The following CACNA2D3 variants were observed in gnomAD, a reference collection of about 807,000 sequenced individuals.
CACNA2D3 encodes calcium voltage-gated channel auxiliary subunit alpha2delta 3, also known as voltage-dependent calcium channel subunit alpha-2/delta-3.
In CACNA2D3, 60 loss-of-function variants were observed where a neutral mutation model predicts 160.6. The observed-to-expected ratio is 0.37, with a 90% CI of 0.30 to 0.46. The LOEUF (loss-of-function observed/expected upper bound fraction) is 0.46. CACNA2D3 is among the 20% of genes least tolerant of loss of function. The probability of loss-of-function intolerance (pLI) is 1.00; values close to 1 mark genes in which losing one functional copy is unlikely to be tolerated. For missense variants in CACNA2D3, 1,205 were observed against 1,365.0 expected (o/e 0.88, Z 1.85); for synonymous variants, 558 against 492.9 (o/e 1.13, Z -1.75).
intron 9 of CACNA2D3, among the ~76,000 whole-genome samples, chr3:54,582,268 G>A (rs1441101706): frequency 6.6e-6 from 1 of 152,110 alleles, no homozygotes; most frequent in Non-Finnish European, 1.5e-5. Context: ...TAACTGTTGG[G>A]GTAACTTGTC....
chr3:54,290,231 A>T (rs985359235), intron 2 of CACNA2D3, among the ~76,000 whole-genome samples: 4 of 152,262 alleles, frequency 2.6e-5, no homozygotes, highest in African/African-American at 9.6e-5. Flanking sequence ...AAACAGCCCC[A>T]TCAGAAAGTG....
At chr3:54,871,350 A>G (rs908518558) in intron 17 of CACNA2D3, among the ~76,000 whole-genome samples, 189 bp from the exon 18 acceptor site, 4 of 152,142 alleles carry the variant, frequency 2.6e-5, no homozygotes, top group African/African-American at 7.2e-5. Flanking sequence ...GCCAATGTTT[A>G]GAGGCATCTG....
At chr3:54,698,093 A>C (rs1240962851) in intron 11 of CACNA2D3, among the ~76,000 whole-genome samples, 1 of 152,180 alleles carries the variant, frequency 6.6e-6, no homozygotes, top group Non-Finnish European at 1.5e-5. Context: ...ACTGCAAACA[A>C]TCCAAATAAT....
chr3:54,537,473 T>C (rs1701907382), intron 5 of CACNA2D3, among the ~76,000 whole-genome samples: 1 of 152,096 alleles, frequency 6.6e-6, no homozygotes, highest in Admixed American at 6.6e-5. Flanking sequence ...CAGTGAACAC[T>C]TACTATGGGT....
intron 3 of CACNA2D3, among the ~76,000 whole-genome samples, chr3:54,349,824 T>C (rs1266188100): frequency 6.6e-6 from 1 of 152,224 alleles, no homozygotes; most frequent in African/African-American, 2.4e-5. Flanking sequence ...TCCTCCTTCC[T>C]GTACCTGAGC....
chr3:54,736,116 T>TATACAC (rs1553814534), intron 11 of CACNA2D3, among the ~76,000 whole-genome samples: 1 of 32,196 alleles, frequency 3.1e-5, no homozygotes, highest in Non-Finnish European at 6.1e-5. Flanking sequence ...TATGTATATA[T>TATACAC]ATACATATAT....
At chr3:54,837,034 T>C (rs1698706811) in intron 14 of CACNA2D3, 125 bp from the exon 15 acceptor site, 1 of 778,688 alleles carries the variant, frequency 1.3e-6, no homozygotes. Context: ...CACTAAAGGC[T>C]TGAGTGGGCA....
In CACNA2D3 at chr3:54,386,694, GTTTT is replaced by G. The variant is rs62967361; in HGVS notation, c.322-6_322-3del. 512 of 1,403,730 alleles carry G rather than the reference GTTTT, an allele frequency of 3.6e-4. No individual in the cohort carries two copies. Among genetic ancestry groups the G allele is most frequent in the South Asian group, 8.5e-4 (59 of 69,184 alleles). 87.0% of individuals were successfully genotyped at this position (1,403,730 alleles called of 1,614,324 possible). On this transcript the variant is annotated splice_polypyrimidine_tract_variant and intron_variant, in intron 3 of 37. Coordinates refer to ENST00000474759, the MANE Select transcript of CACNA2D3 (RefSeq NM_018398.3). ...ATTCTGATCCTTAATGCTGTCTTCT[GTTTT>G]TTTTTTTTTTTTTTAGCGTCTGGTG... is the stretch of plus-strand genomic sequence containing the variant.
intron 13 of CACNA2D3, among the ~76,000 whole-genome samples, chr3:54,812,983 A>T (rs1575490375): frequency 6.6e-6 from 1 of 152,188 alleles, no homozygotes; most frequent in African/African-American, 2.4e-5. Flanking sequence ...TATTTCTGTT[A>T]TTGCTGTCAC....
chr3:54,463,412 G>C (rs1266113881), intron 4 of CACNA2D3, among the ~76,000 whole-genome samples: 2 of 151,846 alleles, frequency 1.3e-5, no homozygotes, highest in African/African-American at 2.4e-5. Context: ...TTCAGGTACA[G>C]CAATCACGTA....
At chr3:54,153,151 G>A (rs1233419606) in intron 2 of CACNA2D3, among the ~76,000 whole-genome samples, 1 of 152,218 alleles carries the variant, frequency 6.6e-6, no homozygotes, top group Non-Finnish European at 1.5e-5. Flanking sequence ...TGGTAGCTCT[G>A]TGACCTTGGG....
At chr3:54,255,500 T>C (rs1482876557) in intron 2 of CACNA2D3, among the ~76,000 whole-genome samples, 1 of 152,210 alleles carries the variant, frequency 6.6e-6, no homozygotes, top group East Asian at 1.9e-4. Flanking sequence ...GAATTTGGTG[T>C]ATGATCATCA....
chr3:54,936,163 CAA>C (rs539489771), intron 27 of CACNA2D3, among the ~76,000 whole-genome samples: 11 of 127,950 alleles, frequency 8.6e-5, no homozygotes, highest in African/African-American at 2.2e-4. Context: ...AGAATCATAG[CAA>C]AAAAAAAAAA....
At chr3:54,763,635 G>A (rs1345438694) in intron 12 of CACNA2D3, among the ~76,000 whole-genome samples, 1 of 136,396 alleles carries the variant, frequency 7.3e-6, no homozygotes, top group Non-Finnish European at 1.6e-5. Context: ...TACTGTGTGT[G>A]TGTGTGTGTG....
At chr3:54,404,161 C>T (rs1012923036) in intron 4 of CACNA2D3, among the ~76,000 whole-genome samples, 4 of 152,094 alleles carry the variant, frequency 2.6e-5, no homozygotes, top group Non-Finnish European at 1.5e-5. Flanking sequence ...ACCTTGGTAC[C>T]TAAACCAAAG....
intron 9 of CACNA2D3, among the ~76,000 whole-genome samples, chr3:54,603,352 T>C (rs1162125002): frequency 1.3e-5 from 2 of 152,214 alleles, no homozygotes; most frequent in South Asian, 2.1e-4. Context: ...GAATTCCTAC[T>C]ACCTACCAGG....
At chr3:55,018,944 GC>G (rs924211851) in intron 35 of CACNA2D3, among the ~76,000 whole-genome samples, 5 of 141,392 alleles carry the variant, frequency 3.5e-5, no homozygotes, top group Non-Finnish European at 7.6e-5. Context: ...CTTTACAGAT[GC>G]CTTTTTTTTT....
At chr3:54,985,930 A>G (rs573584037) in intron 30 of CACNA2D3, among the ~76,000 whole-genome samples, 2 of 152,316 alleles carry the variant, frequency 1.3e-5, no homozygotes, top group Admixed American at 1.3e-4. Context: ...ATCACTAGAC[A>G]TGGGACAGTC....
At chr3:54,288,714 C>G (rs1438997130) in intron 2 of CACNA2D3, among the ~76,000 whole-genome samples, 5 of 152,122 alleles carry the variant, frequency 3.3e-5, no homozygotes, top group Non-Finnish European at 7.4e-5. Context: ...CATCAAAAAG[C>G]TTATCCACCA....
Sources: allele counts gnomAD v4.1 joint callset (sites outside exome capture counted in the v4.1 genomes callset), GRCh38; gene constraint gnomAD v4.1.1; transcripts MANE v1.5; gene names NCBI Gene and HGNC (gene_info 2026-07-23, HGNC 2026-07-21).